Variants in CHST9 observed in about 807,000 individuals in gnomAD.
CHST9 encodes the protein GalNAc-4-sulfotransferase 2.
CHST9 carries 41 observed loss-of-function variants against 44.4 expected under a neutral mutation model. That is an observed-to-expected ratio of 0.92 (90% CI 0.72 to 1.20). The LOEUF (loss-of-function observed/expected upper bound fraction) is 1.20. Among genes scored for constraint, CHST9 ranks in the 50% most tolerant of loss-of-function variants. CHST9 has a pLI of 0.00. For missense variants in CHST9, 504 were observed against 516.5 expected (o/e 0.98, Z 0.23); for synonymous variants, 171 against 178.4 (o/e 0.96, Z 0.33).
intron 2 of CHST9, among the ~76,000 whole-genome samples, chr18:27,049,608 A>G (rs1046978383): frequency 3.9e-5 from 6 of 152,110 alleles, no homozygotes; most frequent in Non-Finnish European, 8.8e-5. Context: ...GCAGAAAACT[A>G]ACCAAGCAAC....
Position 26,916,532 on chromosome 18 carries a change from G to T in CHST9, c.1059C>A (p.Val353=). Residue 353 remains valine, a synonymous_variant, in exon 6 of 6, where the codon GTC becomes GTA. Transcript: ENST00000618847. ...TCAAACACGGATAGCAGAGTTTGCT[G>T]ACCTTTTCCCAGTGAATGTCCATTC... ...PVGMDIHWEK[V]SKLCYPCLIN... 6.2e-7 allele frequency: 1 copy of T among 1,613,820 alleles called. No homozygotes were observed. Among genetic ancestry groups the T allele is most frequent in the South Asian group, 1.1e-5 (1 of 91,036 alleles).
intron 3 of CHST9, among the ~76,000 whole-genome samples, chr18:27,039,678 T>C (rs191856450): frequency 1.6e-3 from 238 of 152,272 alleles, no homozygotes; most frequent in African/African-American, 5.6e-3. Flanking sequence ...GTGTATTTTA[T>C]AATTTTAAAA....
intron 2 of CHST9, among the ~76,000 whole-genome samples, chr18:27,120,963 G>A (rs1262366980): frequency 1.3e-5 from 2 of 152,006 alleles, no homozygotes; most frequent in Non-Finnish European, 2.9e-5. Context: ...AGTTAAATGT[G>A]GTTTCATGGA....
chr18:27,000,631 T>C (rs72874627), intron 4 of CHST9, among the ~76,000 whole-genome samples: 116 of 115,128 alleles, frequency 1.0e-3, no homozygotes, highest in African/African-American at 7.7e-3. Context: ...TGTCTATCTA[T>C]CTATCTATCT....
intron 2 of CHST9, among the ~76,000 whole-genome samples, chr18:27,061,685 ATG>A (rs2057723402): frequency 1.3e-5 from 2 of 151,934 alleles, no homozygotes; most frequent in Non-Finnish European, 2.9e-5. Flanking sequence ...TGGGGCTTTG[ATG>A]TGTGTATCAA....
chr18:26,938,925 G>A (rs1384133694), intron 5 of CHST9, among the ~76,000 whole-genome samples: 4 of 152,232 alleles, frequency 2.6e-5, no homozygotes, highest in East Asian at 1.9e-4. Context: ...TGAACATTCC[G>A]GTGTATAGGG....
chr18:26,991,299 GAGAGAAAGAAA>G (rs2056813442), intron 4 of CHST9, among the ~76,000 whole-genome samples: 1 of 152,128 alleles, frequency 6.6e-6, no homozygotes, highest in African/African-American at 2.4e-5. Context: ...TATGGGATGT[GAGAGAAAGAAA>G]AGAATCAAAG....
rs189781856 is a variant in CHST9 at position 26,946,517 on chromosome 18, C to T, written c.203-2151G>A. ...GACCATTTTTGGGAAATTTAAGATC[C>T]TCTCAAGAACAGTGGGAAACTGACC... On this transcript the variant is annotated intron_variant, in intron 4 of 5. Transcript: ENST00000618847. Among the ~76,000 whole-genome samples, 31 of 152,290 alleles carry T rather than the reference C, an allele frequency of 2.0e-4. No individual in the cohort carries two copies. In the East Asian group the frequency reaches 4.2e-3, roughly 21 times the overall value.
At chr18:27,126,741 A>G (rs775229919) in intron 2 of CHST9, among the ~76,000 whole-genome samples, 32 of 152,042 alleles carry the variant, frequency 2.1e-4, no homozygotes, top group Admixed American at 3.3e-4. Context: ...CAGGAGGATA[A>G]TCAGGCTTCA....
chr18:27,009,962 G>A (rs531143960), intron 4 of CHST9, among the ~76,000 whole-genome samples: 1 of 152,234 alleles, frequency 6.6e-6, no homozygotes, highest in African/African-American at 2.4e-5. Flanking sequence ...AATTAAACCA[G>A]CAAAAGTAAA....
intron 4 of CHST9, among the ~76,000 whole-genome samples, chr18:26,988,844 C>T (rs188864648): frequency 2.0e-5 from 3 of 152,152 alleles, no homozygotes; most frequent in Admixed American, 2.0e-4. Context: ...CATATGTTTT[C>T]TGGCCATAAT....
chr18:27,046,610 C>A (rs2057503069), intron 3 of CHST9, among the ~76,000 whole-genome samples: 2 of 151,904 alleles, frequency 1.3e-5, no homozygotes, highest in South Asian at 4.1e-4. Context: ...ATCTTAGCCA[C>A]ACACTTTATC....
chr18:26,916,441 T>A lies in CHST9; in HGVS notation c.1150A>T (p.Ile384Phe), dbSNP rs1268700805. Reference protein sequence around the residue: ...EEDANYFLQMIGAPKELKFPN... With the variant: ...EEDANYFLQMFGAPKELKFPN... ...AATTTCAGCTCCTTTGGAGCACCGA[T>A]CATCTGTAAAAAGTAATTGGCATCT... Residue 384 changes from isoleucine (I) to phenylalanine (F), a missense_variant, in exon 6 of 6, where the codon ATC becomes TTC. By Grantham distance (21) the Ile-to-Phe change is conservative (BLOSUM62 0). Transcript: ENST00000618847. The A allele has an allele frequency of 6.2e-7, 1 of 1,613,740 alleles. No individual in the cohort carries two copies. The highest frequency in any genetic ancestry group is 8.5e-7 in the Non-Finnish European group (1 of 1,179,712).
intron 4 of CHST9, among the ~76,000 whole-genome samples, chr18:26,982,693 G>T (rs1241395027): frequency 6.6e-6 from 1 of 152,062 alleles, no homozygotes; most frequent in Non-Finnish European, 1.5e-5. Flanking sequence ...CATGCAACAG[G>T]TATCTCTGTG....
At chr18:27,071,956 C>A (rs1315246818) in intron 2 of CHST9, among the ~76,000 whole-genome samples, 16 of 152,172 alleles carry the variant, frequency 1.1e-4, no homozygotes, top group Admixed American at 1.0e-3. Flanking sequence ...AATTGGCCTT[C>A]TACATATTTG....
intron 2 of CHST9, among the ~76,000 whole-genome samples, chr18:27,055,937 C>CGTGTGTGTGTGTGTGTGTGTGTGT (rs35128328): frequency 6.8e-6 from 1 of 147,344 alleles, no homozygotes; most frequent in Non-Finnish European, 1.5e-5. Context: ...TTCTCTCTTT[C>CGTGTGTGTGTGTGTGTGTGTGTGT]GTGTGTGTGT....
chr18:27,108,362 A>G (rs568751930), intron 2 of CHST9, among the ~76,000 whole-genome samples: 5 of 152,356 alleles, frequency 3.3e-5, no homozygotes, highest in African/African-American at 1.2e-4. Flanking sequence ...GTCAACACGT[A>G]CATTATTGTA....
intron 1 of CHST9, among the ~76,000 whole-genome samples, chr18:27,176,696 A>G (rs1399304995): frequency 6.6e-6 from 1 of 151,962 alleles, no homozygotes; most frequent in Admixed American, 6.6e-5. Context: ...TTCTGCATTA[A>G]ATATATATCA....
At chr18:27,112,572 A>C (rs184615750) in intron 2 of CHST9, among the ~76,000 whole-genome samples, 1 of 127,724 alleles carries the variant, frequency 7.8e-6, no homozygotes. Context: ...GATTAGGGAT[A>C]TTCAACGTGT....
Sources: allele counts gnomAD v4.1 joint callset (sites outside exome capture counted in the v4.1 genomes callset), GRCh38; gene constraint gnomAD v4.1.1; transcripts MANE v1.5; gene names NCBI Gene and HGNC (gene_info 2026-07-23, HGNC 2026-07-21).